ZC3H13: variants seen among roughly 807,000 people sequenced by gnomAD.
The protein encoded by ZC3H13 is zinc finger CCCH domain-containing protein 13.
In ZC3H13, 64 loss-of-function variants were observed where a neutral mutation model predicts 204.1. That is an observed-to-expected ratio of 0.31 (90% confidence interval 0.26 to 0.39). The LOEUF (loss-of-function observed/expected upper bound fraction) is 0.39. ZC3H13 is among the 10% of genes least tolerant of loss of function. The probability of loss-of-function intolerance (pLI) is 1.00; values close to 1 mark genes in which losing one functional copy is unlikely to be tolerated. For synonymous variants in ZC3H13, 667 were observed against 693.7 expected, an observed-to-expected ratio of 0.96 and a Z score of 0.60; for missense variants, 1,833 against 2,082.7, an observed-to-expected ratio of 0.88 and a Z score of 2.33.
At chr13:45,961,868 C>T (rs985797058) in intron 17 of ZC3H13, among the ~76,000 whole-genome samples, 2 of 151,638 alleles carry the variant, frequency 1.3e-5, no homozygotes, top group South Asian at 2.1e-4. Context: ...CCACTAAGTA[C>T]CCATGAAAAT....
intron 8 of ZC3H13, among the ~76,000 whole-genome samples, chr13:45,996,874 T>C (rs1445334276): frequency 6.6e-6 from 1 of 152,190 alleles, no homozygotes; most frequent in East Asian, 1.9e-4. Flanking sequence ...CATGAAATTA[T>C]GAATAAAGAA....
rs1488956155 is a variant in ZC3H13 at position 45,968,987 on chromosome 13, T to C, written c.3557A>G (p.Gln1186Arg). Residue 1186 changes from glutamine (Q) to arginine (R), a missense_variant, in exon 14 of 19, where the codon CAA becomes CGA. Coordinates refer to ENST00000679008, the MANE Select transcript of ZC3H13 (RefSeq NM_001330564.2). Reference protein sequence around the residue: ...EDAQHRKPMDQKRSSSLGSNR... With the variant: ...EDAQHRKPMDRKRSSSLGSNR... ...GCTCCCGAGGCTGCTGCTCCTCTTT[T>C]GATCCATAGGCTTGCGATGCTGTGC... 6.2e-7 allele frequency: 1 copy of C among 1,614,274 alleles called. No homozygotes were observed. The highest frequency in any genetic ancestry group is 2.2e-5 in the East Asian group (1 of 44,894).
intron 5 of ZC3H13, among the ~76,000 whole-genome samples, chr13:46,018,510 T>C (rs1593699836): frequency 6.6e-6 from 1 of 152,048 alleles, no homozygotes; most frequent in East Asian, 1.9e-4. Flanking sequence ...ACAAGGGAAT[T>C]ATTCATCAAC....
chr13:46,009,475 A>C (rs991730515), intron 7 of ZC3H13, among the ~76,000 whole-genome samples: 6 of 152,112 alleles, frequency 3.9e-5, no homozygotes, highest in Admixed American at 1.3e-4. Context: ...CTAGGCAAAA[A>C]GTTAAGTAGA....
chr13:46,033,294 C>T (rs542177348), intron 4 of ZC3H13, among the ~76,000 whole-genome samples: 1 of 152,070 alleles, frequency 6.6e-6, no homozygotes, highest in Non-Finnish European at 1.5e-5. Flanking sequence ...TTAAAATGTA[C>T]GAATTTGACT....
chr13:45,992,136 C>A (rs1045366106), intron 8 of ZC3H13, among the ~76,000 whole-genome samples: 2 of 151,986 alleles, frequency 1.3e-5, no homozygotes, highest in African/African-American at 4.8e-5. Flanking sequence ...TGGGCACTAC[C>A]AAAATCATCT....
chr13:45,981,105 G>A (rs1200984239), intron 10 of ZC3H13, among the ~76,000 whole-genome samples: 1 of 152,120 alleles, frequency 6.6e-6, no homozygotes, highest in African/African-American at 2.4e-5. Flanking sequence ...CTTTTTTTGA[G>A]CAGTGAGGGT....
At position 45,969,926 on chromosome 13, in the gene ZC3H13, G is replaced by C; in HGVS notation, c.2618C>G (p.Ser873Cys). 6.2e-7 allele frequency: 1 copy of C among 1,613,130 alleles called. No individual in the cohort carries two copies. The highest frequency in any genetic ancestry group is 8.5e-7 in the Non-Finnish European group (1 of 1,179,908). The change falls in exon 14 of 19, where the codon TCT (serine) becomes TGT (cysteine). Residue 873 changes from serine (S) to cysteine (C), a missense_variant. This residue lies in a region of ZC3H13 where 1,574 missense variants were observed against 1,757.2 expected (regional missense o/e 0.90). Transcript: ENST00000679008. ...GAGGTGCGAGGGACTAAGAGAACGAGATTCTTGAGGTCGTACAACTTGGCT... is the reference window on the plus strand; with the variant it reads ...GAGGTGCGAGGGACTAAGAGAACGACATTCTTGAGGTCGTACAACTTGGCT... ...LLSQVVRPQE[S>C]RSLSPSHLTE...
intron 4 of ZC3H13, among the ~76,000 whole-genome samples, chr13:46,040,344 A>C (rs755937779): frequency 4.6e-5 from 7 of 152,192 alleles, no homozygotes; most frequent in African/African-American, 9.6e-5. Context: ...GTTACAATTC[A>C]GTAACTTTCA....
intron 14 of ZC3H13, 63 bp downstream of exon 14, chr13:45,968,685 A>T: frequency 6.7e-7 from 1 of 1,499,644 alleles, no homozygotes; most frequent in Non-Finnish European, 8.9e-7. Context: ...CTTTAGAATT[A>T]AAATGTGTAT....
rs539492323 is a variant in ZC3H13 at position 45,975,827 on chromosome 13, T to A, written c.1924A>T (p.Ser642Cys). The change falls in exon 12 of 19, where the codon AGC becomes TGC. Residue 642 changes from serine (S) to cysteine (C), a missense_variant. By Grantham distance (112) the Ser-to-Cys change is moderately radical. This residue lies in a region of ZC3H13 where 1,574 missense variants were observed against 1,757.2 expected (regional missense o/e 0.90). Transcript: ENST00000679008. ...CTTCCCTGATGTCGAATTGGTGAGC[T>A]TGGTCTTTGATCTACAATGAAAATC... ...RDNRERDQRP[S>C]SPIRHQGRND... 1 of 1,611,130 alleles carries A rather than the reference T, an allele frequency of 6.2e-7. No homozygotes were observed. Among genetic ancestry groups the A allele is most frequent in the African/African-American group, 1.3e-5 (1 of 74,958 alleles).
At position 46,011,539 on chromosome 13, in the gene ZC3H13, T is replaced by C; in HGVS notation, c.464A>G (p.Asp155Gly). ...ETNRDDSDNG[D>G]INYDYVHELS... ...TTCATGAACATAATCATAATTAATATCTCCATTGTCAGAATCTTTAAAATA... is the reference window on the plus strand; with the variant it reads ...TTCATGAACATAATCATAATTAATACCTCCATTGTCAGAATCTTTAAAATA... Residue 155 changes from aspartate (D) to glycine (G), a missense_variant, in exon 6 of 19, where the codon GAT (aspartate) becomes GGT (glycine). Physicochemically the swap from Asp to Gly is moderately conservative, Grantham distance 94. Around this residue, in one of 5 missense-constraint regions of ZC3H13, gnomAD observed 1,574 missense variants for 1,757.2 expected, o/e 0.90. Transcript: ENST00000679008. The C allele has an allele frequency of 6.3e-7, 1 of 1,577,036 alleles. No homozygotes were observed. The highest frequency in any genetic ancestry group is 8.6e-7 in the Non-Finnish European group (1 of 1,163,072).
At chr13:45,967,108 C>T (rs1050597116) in intron 15 of ZC3H13, among the ~76,000 whole-genome samples, 2 of 152,098 alleles carry the variant, frequency 1.3e-5, no homozygotes, top group Admixed American at 1.3e-4. Context: ...CTCAACTGCC[C>T]TAGAAAATAG....
At chr13:45,973,860 C>T (rs1465211199) in intron 12 of ZC3H13, among the ~76,000 whole-genome samples, 3 of 152,080 alleles carry the variant, frequency 2.0e-5, no homozygotes, top group Non-Finnish European at 4.4e-5. Context: ...TAAGATTTTT[C>T]AAAATGTAAG....
At chr13:45,996,102 A>G (rs184820076) in intron 8 of ZC3H13, among the ~76,000 whole-genome samples, 4 of 152,322 alleles carry the variant, frequency 2.6e-5, no homozygotes, top group African/African-American at 9.6e-5. Context: ...ATCCAAGAAG[A>G]TTTTGTGTTT....
At chr13:46,050,347 G>A (rs898413643) in intron 1 of ZC3H13, among the ~76,000 whole-genome samples, 1 of 152,064 alleles carries the variant, frequency 6.6e-6, no homozygotes, top group African/African-American at 2.4e-5. Flanking sequence ...ATAAAATCTT[G>A]TCAATAAACA....
intron 10 of ZC3H13, among the ~76,000 whole-genome samples, chr13:45,982,026 AAAT>A (rs953057551): frequency 3.3e-5 from 5 of 150,760 alleles, no homozygotes; most frequent in South Asian, 2.1e-4. Context: ...AATAATAATA[AAAT>A]AATAAATAAA....
At chr13:46,049,463 T>C (rs944918047) in intron 1 of ZC3H13, among the ~76,000 whole-genome samples, 7 of 152,194 alleles carry the variant, frequency 4.6e-5, no homozygotes, top group African/African-American at 1.7e-4. Context: ...TAGTCAACAA[T>C]AAAATGTTAC....
At chr13:45,963,635 A>G in intron 17 of ZC3H13, 1 of 1,380,624 alleles carries the variant, frequency 7.2e-7, no homozygotes, top group Non-Finnish European at 9.3e-7. Flanking sequence ...CTCTTTTCCC[A>G]ACTTTTCTGT....
Sources: allele counts gnomAD v4.1 joint callset (sites outside exome capture counted in the v4.1 genomes callset), GRCh38; gene constraint gnomAD v4.1.1; regional missense constraint gnomAD v4.1.1; transcripts MANE v1.5; gene names NCBI Gene and HGNC (gene_info 2026-07-23, HGNC 2026-07-21).